Variants in CNTNAP3B observed in about 807,000 individuals in gnomAD.
CNTNAP3B encodes contactin associated protein family member 3B.
Under a neutral mutation model 108.9 loss-of-function variants are expected in CNTNAP3B, and 25 were observed. The ratio of observed to expected loss-of-function variants is 0.23; its 90% CI spans 0.17 to 0.32. CNTNAP3B has a LOEUF of 0.32. Among genes scored for constraint, CNTNAP3B ranks in the 10% least tolerant of loss-of-function variants. The pLI is 1.00. For missense variants in CNTNAP3B, 252 were observed against 1,210.4 expected, an observed-to-expected ratio of 0.21 and a Z score of 11.75; for synonymous variants, 103 against 473.4, an observed-to-expected ratio of 0.22 and a Z score of 10.16.
intron 2 of CNTNAP3B, among the ~76,000 whole-genome samples, chr9:42,081,329 A>C (rs546693416): frequency 6.7e-6 from 1 of 149,102 alleles, no homozygotes; most frequent in African/African-American, 2.5e-5. Context: ...AAATGTTCAC[A>C]CAACATAGGA....
rs1389115303 is a variant in CNTNAP3B at position 42,066,431 on chromosome 9, T to TA, written c.390+10437_390+10438insT. Among the ~76,000 whole-genome samples, 85 of 102,038 alleles carry TA rather than the reference T, an allele frequency of 8.3e-4. 5 individuals are homozygous for TA. Among genetic ancestry groups the TA allele is most frequent in the Non-Finnish European group, 1.5e-3 (76 of 49,294 alleles). The allele number at this position is 102,038 out of a possible 152,430, so 66.9% of individuals were successfully genotyped here. A position where few individuals can be genotyped will look rare whatever the true frequency, so the allele number is the denominator to read the frequency against. On this transcript the variant is annotated intron_variant, in intron 3 of 23. Transcript: ENST00000377561. ...AATGTGAGCTGTTGAATCTTTTTTTTTTTTTTTTTTTTGAGACAGAGTTTC... is the reference window on the plus strand; with the variant it reads ...AATGTGAGCTGTTGAATCTTTTTTTTATTTTTTTTTTTTGAGACAGAGTTTC...
At chr9:42,120,697 TC>T (rs889555016) in intron 1 of CNTNAP3B, among the ~76,000 whole-genome samples, 4 of 135,008 alleles carry the variant, frequency 3.0e-5, no homozygotes, top group African/African-American at 1.2e-4. Flanking sequence ...CTGGAAACCA[TC>T]ATTCTCAGCA....
At chr9:41,923,595 C>T (rs1275299425) in intron 16 of CNTNAP3B, among the ~76,000 whole-genome samples, 2 of 152,292 alleles carry the variant, frequency 1.3e-5, no homozygotes, top group Non-Finnish European at 2.9e-5. Flanking sequence ...AACCCCACCT[C>T]TACCAAAAAT....
chr9:41,986,431 A>G (rs1825704233), intron 8 of CNTNAP3B, 120 bp from the exon 9 acceptor site: 6 of 1,041,570 alleles, frequency 5.8e-6, no homozygotes, highest in Non-Finnish European at 7.9e-6. Flanking sequence ...ATGTTCATGT[A>G]TCACTGAAAA....
At chr9:42,086,561 C>G (rs1173628975) in intron 2 of CNTNAP3B, among the ~76,000 whole-genome samples, 5 of 117,658 alleles carry the variant, frequency 4.2e-5, no homozygotes, top group Non-Finnish European at 5.2e-5. Flanking sequence ...TCTCCTGCCT[C>G]AGCTACCCGA....
At chr9:41,939,679 G>T (rs1406067259) in intron 13 of CNTNAP3B, among the ~76,000 whole-genome samples, 3 of 152,250 alleles carry the variant, frequency 2.0e-5, no homozygotes, top group Admixed American at 1.3e-4. Context: ...TTAAACTGTC[G>T]CAGATTAAAG....
chr9:41,952,213 T>C (rs1245561405), intron 13 of CNTNAP3B, among the ~76,000 whole-genome samples: 3 of 152,200 alleles, frequency 2.0e-5, no homozygotes, highest in Non-Finnish European at 4.4e-5. Context: ...CTTAAAGATT[T>C]TGTATTGAAA....
chr9:42,051,574 T>A (rs2118542803), intron 3 of CNTNAP3B, among the ~76,000 whole-genome samples: 2 of 120,012 alleles, frequency 1.7e-5, no homozygotes, highest in Non-Finnish European at 3.6e-5. Context: ...AGAGATGTTT[T>A]AACTGTGACT....
intron 3 of CNTNAP3B, among the ~76,000 whole-genome samples, chr9:42,075,198 T>C (rs1827461387): frequency 6.8e-6 from 1 of 146,134 alleles, no homozygotes; most frequent in Non-Finnish European, 1.5e-5. Flanking sequence ...ACACCAGTCA[T>C]ATTAGATTAG....
intron 9 of CNTNAP3B, among the ~76,000 whole-genome samples, chr9:41,973,283 G>C (rs1406950531): frequency 8.1e-6 from 1 of 123,778 alleles, no homozygotes; most frequent in Non-Finnish European, 1.8e-5. Flanking sequence ...CGATAACTCT[G>C]TTAGAAAAAA....
At chr9:41,918,281 G>A (rs1373450736) in intron 18 of CNTNAP3B, among the ~76,000 whole-genome samples, 2 of 149,994 alleles carry the variant, frequency 1.3e-5, no homozygotes, top group Admixed American at 6.6e-5. Context: ...GTTCTTTTAT[G>A]CCAAAGATGT....
intron 3 of CNTNAP3B, among the ~76,000 whole-genome samples, chr9:42,037,548 A>G (rs546738895): frequency 7.9e-6 from 1 of 126,864 alleles, no homozygotes; most frequent in East Asian, 2.5e-4. Flanking sequence ...AGACCAAATG[A>G]ATGAAATGAA....
chr9:42,032,797 C>G (rs1826544385), intron 3 of CNTNAP3B, among the ~76,000 whole-genome samples: 1 of 137,448 alleles, frequency 7.3e-6, no homozygotes, highest in Non-Finnish European at 1.6e-5. Flanking sequence ...AAGGCCAAGA[C>G]CAGGGTGCCA....
intron 11 of CNTNAP3B, among the ~76,000 whole-genome samples, chr9:41,962,012 T>C (rs1347605141): frequency 6.6e-6 from 1 of 152,276 alleles, no homozygotes; most frequent in African/African-American, 2.4e-5. Context: ...ACAGACTAGG[T>C]TTGGAATGGA....
chr9:41,944,067 A>T (rs1198482998), intron 13 of CNTNAP3B, among the ~76,000 whole-genome samples: 1 of 151,190 alleles, frequency 6.6e-6, no homozygotes, highest in Non-Finnish European at 1.5e-5. Flanking sequence ...GAAAACACAC[A>T]CTAATATAAA....
In CNTNAP3B at chr9:41,937,796, T is replaced by A. The variant is rs1285725761; in HGVS notation, c.2237+448A>T. On this transcript the variant is annotated intron_variant, in intron 14 of 23. Coordinates refer to ENST00000377561, the MANE Select transcript of CNTNAP3B (RefSeq NM_001201380.3). ...CTAAAAAATAAACACAGTCCTTTTATGCAGGACCTCTCAGAGTTTCTTGTG... is the reference window on the plus strand; with the variant it reads ...CTAAAAAATAAACACAGTCCTTTTAAGCAGGACCTCTCAGAGTTTCTTGTG... Among the ~76,000 whole-genome samples, 5 of 152,140 alleles carry A rather than the reference T, an allele frequency of 3.3e-5. No homozygotes were observed. In the East Asian group the frequency reaches 7.8e-4, roughly 24 times the overall value.
In CNTNAP3B at chr9:41,978,030, G is replaced by A. The variant is rs543217933; in HGVS notation, c.1478-7785C>T. ...AAAACTATACTAATACTCTCAAGAA[G>A]CACCTCAAGCATTGATTAGCAAATG... On this transcript the variant is annotated intron_variant, in intron 9 of 23. Transcript: ENST00000377561. Among the ~76,000 whole-genome samples the A allele has an allele frequency of 1.1e-4, 13 of 122,322 alleles. 1 individual carries two copies. The highest frequency in any genetic ancestry group is 2.5e-4 in the East Asian group (1 of 4,040). The allele number at this position is 122,322 out of a possible 152,430, so 80.2% of individuals were successfully genotyped here.
intron 3 of CNTNAP3B, among the ~76,000 whole-genome samples, chr9:42,020,569 A>G (rs1826294057): frequency 6.8e-6 from 1 of 146,058 alleles, no homozygotes; most frequent in South Asian, 2.2e-4. Flanking sequence ...TTCAACAACC[A>G]GCCTCGTTCT....
intron 3 of CNTNAP3B, among the ~76,000 whole-genome samples, chr9:42,063,836 C>T (rs2118575864): frequency 6.7e-6 from 1 of 150,020 alleles, no homozygotes; most frequent in Admixed American, 6.6e-5. Flanking sequence ...ACTCTCCCAC[C>T]TCGGCCTCCC....
Sources: allele counts gnomAD v4.1 joint callset (sites outside exome capture counted in the v4.1 genomes callset), GRCh38; gene constraint gnomAD v4.1.1; transcripts MANE v1.5; gene names NCBI Gene and HGNC (gene_info 2026-07-23, HGNC 2026-07-21).